The following HPGD variants were observed in gnomAD, a reference collection of about 807,000 sequenced individuals.
HPGD encodes the protein 15-hydroxyprostaglandin dehydrogenase [NAD(+)].
A neutral mutation model predicts 30.0 loss-of-function variants in HPGD; 29 were observed. That is an observed-to-expected ratio of 0.97 (90% CI 0.72 to 1.32). The LOEUF is 1.32. Among genes scored for constraint, HPGD ranks in the 40% most tolerant of loss-of-function variants. The pLI is 0.00. For synonymous variants in HPGD, 99 were observed against 112.4 expected, an observed-to-expected ratio of 0.88 and a Z score of 0.75; for missense variants, 340 against 322.1, an observed-to-expected ratio of 1.06 and a Z score of -0.43.
chr4:174,497,583 T>C (rs1287609585), intron 4 of HPGD, among the ~76,000 whole-genome samples: 3 of 118,756 alleles, frequency 2.5e-5, no homozygotes, highest in East Asian at 2.2e-4. Flanking sequence ...TTTTTTTTTT[T>C]TTTTTTTTTT....
At chr4:174,510,689 G>GGT (rs1735441259) in intron 3 of HPGD, among the ~76,000 whole-genome samples, 3 of 152,168 alleles carry the variant, frequency 2.0e-5, no homozygotes, top group African/African-American at 7.2e-5. Flanking sequence ...TCAAATGAAA[G>GGT]AGTTCAAAGG....
intron 2 of HPGD, among the ~76,000 whole-genome samples, chr4:174,520,867 A>T (rs1320768479): frequency 2.0e-5 from 3 of 152,150 alleles, no homozygotes; most frequent in Non-Finnish European, 4.4e-5. Context: ...CATGCTTGTC[A>T]TCTGTGTTAT....
chr4:174,505,913 C>T (rs1249311325), intron 4 of HPGD, among the ~76,000 whole-genome samples: 1 of 152,252 alleles, frequency 6.6e-6, no homozygotes, highest in South Asian at 2.1e-4. Flanking sequence ...GAGGGAGAAG[C>T]AGTTTGTAAT....
intron 4 of HPGD, among the ~76,000 whole-genome samples, chr4:174,497,586 T>TTTTTTTTTTTTTTTTTTTTTTTTTTA: frequency 8.1e-6 from 1 of 122,748 alleles, no homozygotes; most frequent in African/African-American, 3.1e-5. Flanking sequence ...TTTTTTTTTT[T>TTTTTTTTTTTTTTTTTTTTTTTTTTA]TTTTTTTTTT....
chr4:174,498,600 T>C (rs1477766848), intron 4 of HPGD, among the ~76,000 whole-genome samples: 2 of 152,248 alleles, frequency 1.3e-5, no homozygotes, highest in African/African-American at 4.8e-5. Context: ...GTATAAATTA[T>C]ATTGTTGTCT....
chr4:174,513,962 C>T (rs1293183841), intron 3 of HPGD, among the ~76,000 whole-genome samples: 2 of 151,894 alleles, frequency 1.3e-5, no homozygotes, highest in African/African-American at 4.8e-5. Flanking sequence ...GGCAGACTGC[C>T]ATTTGCCATT....
At chr4:174,516,546 A>G (rs547213809) in intron 3 of HPGD, among the ~76,000 whole-genome samples, 16 of 152,158 alleles carry the variant, frequency 1.1e-4, no homozygotes, top group Non-Finnish European at 2.1e-4. Flanking sequence ...TATGACCACT[A>G]TCTGGGTGAT....
intron 4 of HPGD, among the ~76,000 whole-genome samples, chr4:174,504,239 T>TA (rs1560981000): frequency 6.6e-6 from 1 of 152,200 alleles, no homozygotes; most frequent in Non-Finnish European, 1.5e-5. Context: ...AATTATGAGC[T>TA]AATTATATTA....
intron 4 of HPGD, among the ~76,000 whole-genome samples, chr4:174,506,144 A>T (rs1224193049): frequency 2.6e-5 from 4 of 152,180 alleles, no homozygotes; most frequent in African/African-American, 9.7e-5. Context: ...CTCCTAGCCA[A>T]CAAAGCAAAG....
chr4:174,513,478 C>A (rs1579297464), intron 3 of HPGD, among the ~76,000 whole-genome samples: 2 of 149,348 alleles, frequency 1.3e-5, no homozygotes. Context: ...TTTTTACCAG[C>A]ATAAGAAAAT....
In HPGD at chr4:174,502,589, A is replaced by G. The variant is rs534483270; in HGVS notation, c.421+6107T>C. ...GCTACTCAGGAGGCTGAGGCAGGAG[A>G]ATGGCGTGAACCCGAAAGGCGGAGC... On this transcript the variant is annotated intron_variant, in intron 4 of 6. Coordinates refer to ENST00000296522, the MANE Select transcript of HPGD (RefSeq NM_000860.6). Among the ~76,000 whole-genome samples the G allele has an allele frequency of 2.8e-4, 42 of 147,974 alleles. 1 individual carries two copies. In the South Asian group the frequency reaches 9.1e-3, roughly 32 times the overall value.
chr4:174,516,760 T>C (rs913464926), intron 3 of HPGD, among the ~76,000 whole-genome samples: 1 of 152,230 alleles, frequency 6.6e-6, no homozygotes, highest in African/African-American at 2.4e-5. Flanking sequence ...AGGTAGGACT[T>C]ACAGATTTGG....
At chr4:174,516,964 A>G (rs1001555659) in intron 3 of HPGD, among the ~76,000 whole-genome samples, 3 of 152,190 alleles carry the variant, frequency 2.0e-5, no homozygotes, top group East Asian at 3.8e-4. Context: ...TTTATAATCT[A>G]CTAGGAGGAT....
intron 4 of HPGD, among the ~76,000 whole-genome samples, chr4:174,501,056 T>A (rs772083702): frequency 6.6e-6 from 1 of 152,218 alleles, no homozygotes; most frequent in African/African-American, 2.4e-5. Flanking sequence ...TCTACAGAAG[T>A]AAATTCACAT....
intron 4 of HPGD, among the ~76,000 whole-genome samples, chr4:174,499,743 C>T (rs1474093761): frequency 1.3e-5 from 2 of 152,196 alleles, no homozygotes; most frequent in East Asian, 3.9e-4. Flanking sequence ...ACATTTCCTC[C>T]TCCAGGCTGG....
intron 4 of HPGD, among the ~76,000 whole-genome samples, chr4:174,502,407 G>A (rs748760234): frequency 4.6e-5 from 7 of 152,024 alleles, no homozygotes; most frequent in Middle Eastern, 6.8e-3. Flanking sequence ...GGCCGGGCGC[G>A]GTGGCTGACG....
chr4:174,509,633 A>G (rs1232031581), intron 3 of HPGD, among the ~76,000 whole-genome samples: 1 of 152,236 alleles, frequency 6.6e-6, no homozygotes, highest in Non-Finnish European at 1.5e-5. Flanking sequence ...TGAAACCAAC[A>G]TAAAGAATGG....
At chr4:174,493,105 T>C (rs1734418772) in intron 6 of HPGD, 46 bp downstream of exon 6, 1 of 1,447,070 alleles carries the variant, frequency 6.9e-7, no homozygotes, top group Non-Finnish European at 9.5e-7. Flanking sequence ...ATCTAAATAA[T>C]GCTTTGCTTC....
In HPGD at chr4:174,492,212, TTAAAC is replaced by T. The variant is rs1734375926; in HGVS notation, c.663-123_663-119del. 1 of 910,362 alleles carries T rather than the reference TTAAAC, an allele frequency of 1.1e-6. No homozygotes were observed. Among genetic ancestry groups the T allele is most frequent in the Non-Finnish European group, 1.8e-6 (1 of 566,808 alleles). 56.4% of individuals were successfully genotyped at this position (910,362 alleles called of 1,614,324 possible). On this transcript the variant is annotated intron_variant, in intron 6 of 6. Coordinates refer to ENST00000296522, the MANE Select transcript of HPGD (RefSeq NM_000860.6). The surrounding 1 kb of genome is among the most constrained non-coding windows in gnomAD (Gnocchi z 4.9). Reference sequence around the variant, plus strand: ...ACATGTTATAGGGAAATGTGTGTCATTAAACTATTGCTACTTCCAATTTTTATTTA... The same window carrying T: ...ACATGTTATAGGGAAATGTGTGTCATTATTGCTACTTCCAATTTTTATTTA...
Sources: gnomAD v4.1 joint callset for allele counts (sites outside exome capture counted in the v4.1 genomes callset) on GRCh38, gnomAD v4.1.1 for gene constraint, Gnocchi (gnomAD v3.1) non-coding constraint, MANE v1.5 for transcripts, NCBI Gene and HGNC (gene_info 2026-07-23, HGNC 2026-07-21) for gene names.